The following SCUBE3 variants were observed in gnomAD, a reference collection of about 807,000 sequenced individuals.
The protein encoded by SCUBE3 is signal peptide, CUB and EGF-like domain-containing protein 3.
In SCUBE3, 33 loss-of-function variants were observed where a neutral mutation model predicts 116.8. That is an observed-to-expected ratio of 0.28 (90% CI 0.21 to 0.38). SCUBE3 has a LOEUF of 0.38. Ranked by LOEUF, SCUBE3 falls within the 10% of genes least tolerant of loss-of-function variation. The pLI is 1.00. For missense variants in SCUBE3, 1,007 were observed against 1,324.8 expected (o/e 0.76, Z 3.72); for synonymous variants, 418 against 496.9 (o/e 0.84, Z 2.11).
Position 35,232,805 on chromosome 6 carries a change from A to G in SCUBE3, c.470-45A>G, listed in dbSNP as rs959452894. 25 of 1,599,678 alleles carry G rather than the reference A, an allele frequency of 1.6e-5. No individual in the cohort carries two copies. The highest frequency in any genetic ancestry group is 2.1e-5 in the Non-Finnish European group (24 of 1,168,998). On this transcript the variant is annotated intron_variant, in intron 4 of 21. Transcript: ENST00000274938. This position sits in a 1 kb window ranked among gnomAD's most constrained non-coding sequence, Gnocchi z 4.2. ...GCCCCCTGTAGTTTTTCTTTTCTAG[A>G]CATCCAGGGGTACAGAGCATTCACA...
At chr6:35,217,838 C>G (rs930658030) in intron 1 of SCUBE3, among the ~76,000 whole-genome samples, 2 of 152,172 alleles carry the variant, frequency 1.3e-5, no homozygotes, top group Non-Finnish European at 2.9e-5. Flanking sequence ...AAGCCCACCC[C>G]CATTTTTCCA....
In SCUBE3 at chr6:35,241,466, A is replaced by C; in HGVS notation, c.1196-77A>C. On this transcript the variant is annotated intron_variant, in intron 10 of 21. Transcript: ENST00000274938. The surrounding 1 kb of genome is among the most constrained non-coding windows in gnomAD (Gnocchi z 4.1). Reference sequence around the variant, plus strand: ...CCATGGGTACAACAATAGTTATGCAAGTAGCTGATTCCTCCAAATTACCCA... The same window carrying C: ...CCATGGGTACAACAATAGTTATGCACGTAGCTGATTCCTCCAAATTACCCA... 8.6e-7 allele frequency: 1 copy of C among 1,168,840 alleles called. No homozygotes were observed. Among genetic ancestry groups the C allele is most frequent in the Non-Finnish European group, 1.3e-6 (1 of 776,180 alleles). The allele number at this position is 1,168,840 out of a possible 1,614,324, so 72.4% of individuals were successfully genotyped here. A position where few individuals can be genotyped will look rare whatever the true frequency, so the allele number is the denominator to read the frequency against.
chr6:35,236,500 A>G (rs1431421506), intron 6 of SCUBE3, among the ~76,000 whole-genome samples: 2 of 152,164 alleles, frequency 1.3e-5, no homozygotes, highest in African/African-American at 4.8e-5. Context: ...GTTCCCTACT[A>G]GGTTCCTCCC....
chr6:35,245,849 C>A lies in SCUBE3; in HGVS notation c.2600-95C>A. 7.7e-7 allele frequency: 1 copy of A among 1,296,864 alleles called. No individual in the cohort carries two copies. Among genetic ancestry groups the A allele is most frequent in the South Asian group, 1.3e-5 (1 of 74,214 alleles). The allele number at this position is 1,296,864 out of a possible 1,614,324, so 80.3% of individuals were successfully genotyped here. On this transcript the variant is annotated intron_variant, in intron 19 of 21. Transcript: ENST00000274938. This position sits in a 1 kb window ranked among gnomAD's most constrained non-coding sequence, Gnocchi z 4.2. ...AGCCTTTGTCAGAATGATTCTCTTG[C>A]CCTATACCCCCACCACCAGCTGTAC...
intron 1 of SCUBE3, among the ~76,000 whole-genome samples, chr6:35,215,820 T>C (rs559018811): frequency 6.6e-6 from 1 of 152,312 alleles, no homozygotes; most frequent in South Asian, 2.1e-4. Context: ...TGTCAAATAC[T>C]GGACCCTGCC....
Position 35,241,552 on chromosome 6 carries a change from A to G in SCUBE3, c.1205A>G (p.Lys402Arg). Residue 402 changes from lysine to arginine, a missense_variant, in exon 11 of 22, where the codon AAG (lysine) becomes AGG (arginine). Lys to Arg is a conservative substitution (Grantham distance 26). This residue lies in a region of SCUBE3 where 544 missense variants were observed against 638.9 expected (regional missense o/e 0.85). Transcript: ENST00000274938. This position sits in a 1 kb window ranked among gnomAD's most constrained non-coding sequence, Gnocchi z 4.1. ...TCTCTCCCCTTCCTAGAGCCACTGAAGTGTCAGGGCAGTCCTGGGGCCTCG... is the reference window on the plus strand; with the variant it reads ...TCTCTCCCCTTCCTAGAGCCACTGAGGTGTCAGGGCAGTCCTGGGGCCTCG... ...WNGKDCTEPL[K>R]CQGSPGASKA... 1 of 1,612,534 alleles carries G rather than the reference A, an allele frequency of 6.2e-7. No homozygotes were observed. The highest frequency in any genetic ancestry group is 8.5e-7 in the Non-Finnish European group (1 of 1,178,556).
intron 1 of SCUBE3, among the ~76,000 whole-genome samples, chr6:35,217,203 T>C (rs1345667871): frequency 2.5e-5 from 1 of 40,800 alleles, no homozygotes; most frequent in African/African-American, 7.9e-5. Flanking sequence ...TTGCTTTTGG[T>C]AAGGGGGTGG....
chr6:35,252,174 C>T lies in SCUBE3; in HGVS notation c.*3469C>T, dbSNP rs1784577726. 1 of 152,200 alleles carries T rather than the reference C, an allele frequency of 6.6e-6. No individual in the cohort carries two copies. Among genetic ancestry groups the T allele is most frequent in the African/African-American group, 2.4e-5 (1 of 41,436 alleles). The allele number at this position is 152,200 out of a possible 1,614,324, so 9.4% of individuals were successfully genotyped here. On this transcript the variant is annotated 3_prime_UTR_variant, in exon 22 of 22. Coordinates refer to ENST00000274938, the MANE Select transcript of SCUBE3 (RefSeq NM_152753.4). Reference sequence around the variant, plus strand: ...CCTCCCTCTTTCTATATTATCAGGCCATGCCTATTCCTACAACCTGAGACA... The same window carrying T: ...CCTCCCTCTTTCTATATTATCAGGCTATGCCTATTCCTACAACCTGAGACA...
In SCUBE3 at chr6:35,243,307, T is replaced by A; in HGVS notation, c.1909+71T>A. 7.6e-7 allele frequency: 1 copy of A among 1,315,446 alleles called. No individual in the cohort carries two copies. Among genetic ancestry groups the A allele is most frequent in the Non-Finnish European group, 1.1e-6 (1 of 924,880 alleles). The allele number at this position is 1,315,446 out of a possible 1,614,324, so 81.5% of individuals were successfully genotyped here. A position where few individuals can be genotyped will look rare whatever the true frequency, so the allele number is the denominator to read the frequency against. ...TGGGCCTGACTCAGAGCAGGACCCTTTGTGGCCTCAGATGCATTTCTCAAA... is the reference window on the plus strand; with the variant it reads ...TGGGCCTGACTCAGAGCAGGACCCTATGTGGCCTCAGATGCATTTCTCAAA... On this transcript the variant is annotated intron_variant, in intron 15 of 21. Transcript: ENST00000274938. This position sits in a 1 kb window ranked among gnomAD's most constrained non-coding sequence, Gnocchi z 6.6.
intron 13 of SCUBE3, 148 bp from the exon 14 acceptor site, chr6:35,242,474 G>T: frequency 2.2e-6 from 2 of 910,312 alleles, no homozygotes; most frequent in Non-Finnish European, 3.5e-6. Flanking sequence ...GGAAGTCCCA[G>T]AATATTCCCC....
chr6:35,241,869 C>G lies in SCUBE3; in HGVS notation c.1376C>G (p.Ala459Gly). The G allele has an allele frequency of 1.2e-6, 2 of 1,611,912 alleles. No homozygotes were observed. Among genetic ancestry groups the G allele is most frequent in the Non-Finnish European group, 1.7e-6 (2 of 1,179,924 alleles). The change falls in exon 12 of 22, where the codon GCT becomes GGT. Residue 459 changes from alanine (A) to glycine (G), a missense_variant. Ala to Gly is a moderately conservative substitution (Grantham distance 60, BLOSUM62 0). This residue lies in a region of SCUBE3 where 544 missense variants were observed against 638.9 expected (regional missense o/e 0.85). Coordinates refer to ENST00000274938, the MANE Select transcript of SCUBE3 (RefSeq NM_152753.4). This position sits in a 1 kb window ranked among gnomAD's most constrained non-coding sequence, Gnocchi z 4.1. The part of the protein sequence containing the change: ...TPSPRAAPAR[A>G]GHNGNSTNSN... ...AGCCCCAGGGCTGCTCCAGCCCGAG[C>G]TGGCCACAATGGGAACAGCACCAAC...
intron 1 of SCUBE3, among the ~76,000 whole-genome samples, chr6:35,220,095 T>C (rs1452529479): frequency 6.6e-6 from 1 of 152,216 alleles, no homozygotes; most frequent in East Asian, 1.9e-4. Context: ...TCCACGGTTA[T>C]ATACTGGATG....
intron 1 of SCUBE3, chr6:35,223,342 G>C (rs1409339355): frequency 6.6e-6 from 1 of 152,228 alleles, no homozygotes; most frequent in African/African-American, 2.4e-5. Context: ...CACATACAGA[G>C]GAGGGAACAG....
At position 35,241,534 on chromosome 6, in the gene SCUBE3, C is replaced by T. The variant is rs1163322835; in HGVS notation, c.1196-9C>T. 3 of 1,596,994 alleles carry T rather than the reference C, an allele frequency of 1.9e-6. No homozygotes were observed. The highest frequency in any genetic ancestry group is 2.6e-6 in the Non-Finnish European group (3 of 1,164,488). On this transcript the variant is annotated splice_polypyrimidine_tract_variant and intron_variant, in intron 10 of 21. Coordinates refer to ENST00000274938, the MANE Select transcript of SCUBE3 (RefSeq NM_152753.4). This position sits in a 1 kb window ranked among gnomAD's most constrained non-coding sequence, Gnocchi z 4.1. ...CATTCATTTGCTCAGGCCTCTCTCC[C>T]CTTCCTAGAGCCACTGAAGTGTCAG...
At chr6:35,218,081 A>G in intron 1 of SCUBE3, 6 of 959,090 alleles carry the variant, frequency 6.3e-6, no homozygotes, top group Non-Finnish European at 7.4e-6. Flanking sequence ...GAAAGAAGAC[A>G]GTCATCAGCA....
In SCUBE3 at chr6:35,247,438, CA is replaced by C. The variant is rs368013054; in HGVS notation, c.2833-1102del. ...GGGCAACAAGAGTTAGACTCAGTCT[CA>C]AAAAAAAAAAAAAAAGGAAACTATA... On this transcript the variant is annotated intron_variant, in intron 21 of 21. Transcript: ENST00000274938. 5.6e-3 allele frequency among the ~76,000 whole-genome samples: 682 copies of C among 121,888 alleles called. 7 individuals are homozygous for C. The highest frequency in any genetic ancestry group is 0.02 in the African/African-American group (602 of 30,644). The allele number at this position is 121,888 out of a possible 152,430, so 80.0% of individuals were successfully genotyped here.
Position 35,228,644 on chromosome 6 carries a change from C to T in SCUBE3, c.239C>T (p.Ala80Val), listed in dbSNP as rs756216654. 7.4e-6 allele frequency: 12 copies of T among 1,614,022 alleles called. No homozygotes were observed. Among genetic ancestry groups the T allele is most frequent in the Non-Finnish European group, 1.0e-5 (12 of 1,179,878 alleles). Residue 80 changes from alanine to valine, a missense_variant, in exon 3 of 22, where the codon GCA (alanine) becomes GTA (valine). Ala to Val is a moderately conservative substitution (Grantham distance 64). Transcript: ENST00000274938. The surrounding 1 kb of genome is among the most constrained non-coding windows in gnomAD (Gnocchi z 4.9). ...GATGAGTGCGAGCGAGAGGATAATG[C>T]AGGTTGTGTGCATGACTGTGTCAAC... ...DVDECEREDNAGCVHDCVNIP... is the reference protein window; with the variant it reads ...DVDECEREDNVGCVHDCVNIP...
In SCUBE3 at chr6:35,219,166, C is replaced by T. The variant is rs1783034629; in HGVS notation, c.85+4663C>T. ...CTGGAACCCCAAGTAGCTGATAGTT[C>T]TTACTGTGTCCATGAAGTGGGTATT... On this transcript the variant is annotated intron_variant, in intron 1 of 21. Transcript: ENST00000274938. This position sits in a 1 kb window ranked among gnomAD's most constrained non-coding sequence, Gnocchi z 4.7. 6.6e-6 allele frequency among the ~76,000 whole-genome samples: 1 copy of T among 152,206 alleles called. No homozygotes were observed. The highest frequency in any genetic ancestry group is 1.9e-4 in the East Asian group (1 of 5,200).
Position 35,244,775 on chromosome 6 carries a change from G to C in SCUBE3, c.2365G>C (p.Asp789His). The change falls in exon 18 of 22, where the codon GAC becomes CAC. Residue 789 changes from aspartate (D) to histidine (H), a missense_variant. Around this residue, in one of 5 missense-constraint regions of SCUBE3, gnomAD observed 544 missense variants for 638.9 expected, o/e 0.85. Transcript: ENST00000274938. This position sits in a 1 kb window ranked among gnomAD's most constrained non-coding sequence, Gnocchi z 4.3. ...CSRCPGNTSTDFDGSTSVAQC... is the reference protein window; with the variant it reads ...CSRCPGNTSTHFDGSTSVAQC... ...CCGCTGTCCAGGAAACACAAGCACA[G>C]ACTTTGATGGCTCTACCAGTGTGGC... 6.2e-7 allele frequency: 1 copy of C among 1,614,244 alleles called. No individual in the cohort carries two copies. The highest frequency in any genetic ancestry group is 2.2e-5 in the East Asian group (1 of 44,884).
Sources: gnomAD v4.1 joint callset for allele counts (sites outside exome capture counted in the v4.1 genomes callset) on GRCh38, gnomAD v4.1.1 for gene constraint, gnomAD v4.1.1 regional missense constraint, Gnocchi (gnomAD v3.1) non-coding constraint, MANE v1.5 for transcripts, NCBI Gene and HGNC (gene_info 2026-07-23, HGNC 2026-07-21) for gene names.